RBKS: variants seen among roughly 807,000 people sequenced by gnomAD.
RBKS encodes the protein ribokinase.
A neutral mutation model predicts 33.9 loss-of-function variants in RBKS; 33 were observed. The observed-to-expected ratio is 0.97, with a 90% CI of 0.74 to 1.30. The LOEUF (loss-of-function observed/expected upper bound fraction) is 1.30, where lower values mean the gene tolerates loss of function less well. Ranked by LOEUF, RBKS falls within the 50% of genes most tolerant of loss-of-function variation. RBKS has a pLI of 0.00. For synonymous variants in RBKS, 125 were observed against 143.0 expected, an observed-to-expected ratio of 0.87 and a Z score of 0.90; for missense variants, 361 against 392.6, an observed-to-expected ratio of 0.92 and a Z score of 0.68.
intron 1 of RBKS, among the ~76,000 whole-genome samples, chr2:27,874,389 C>T (rs1216155346): frequency 6.6e-6 from 1 of 152,190 alleles, no homozygotes; most frequent in Non-Finnish European, 1.5e-5. Flanking sequence ...TAACATTGTA[C>T]AATCACTGTC....
chr2:27,885,942 A>G (rs1237933728), intron 1 of RBKS, among the ~76,000 whole-genome samples: 1 of 152,230 alleles, frequency 6.6e-6, no homozygotes, highest in Non-Finnish European at 1.5e-5. Flanking sequence ...ACAAAGGCCT[A>G]TGAGCCTAAC....
At chr2:27,809,782 A>G (rs1573042214) in intron 7 of RBKS, 3 of 423,600 alleles carry the variant, frequency 7.1e-6, no homozygotes, top group East Asian at 1.5e-4. Flanking sequence ...AATGCATGCT[A>G]AATAATACAG....
chr2:27,865,571 C>CTTTTTTTT (rs5830052), intron 1 of RBKS, among the ~76,000 whole-genome samples: 1 of 63,942 alleles, frequency 1.6e-5, no homozygotes, highest in Non-Finnish European at 3.3e-5. Flanking sequence ...TCTCCTCCTC[C>CTTTTTTTT]TTTTTTTTTT....
chr2:27,853,179 A>T (rs941035839), intron 2 of RBKS, among the ~76,000 whole-genome samples: 1 of 151,978 alleles, frequency 6.6e-6, no homozygotes, highest in Non-Finnish European at 1.5e-5. Flanking sequence ...CAGCCTCAGC[A>T]ACACAGCAAG....
At chr2:27,856,660 A>G (rs1440142464) in intron 2 of RBKS, among the ~76,000 whole-genome samples, 8 of 152,154 alleles carry the variant, frequency 5.3e-5, no homozygotes, top group Non-Finnish European at 2.9e-5. Flanking sequence ...GGGTTCTCTA[A>G]TCTCTCCTTT....
At chr2:27,796,586 G>A (rs1677670485) in intron 7 of RBKS, among the ~76,000 whole-genome samples, 1 of 152,146 alleles carries the variant, frequency 6.6e-6, no homozygotes, top group Admixed American at 6.5e-5. Context: ...TGAGGAAGCT[G>A]GGGAATCAGG....
At chr2:27,880,472 G>T (rs1201144910) in intron 1 of RBKS, among the ~76,000 whole-genome samples, 1 of 152,112 alleles carries the variant, frequency 6.6e-6, no homozygotes, top group Non-Finnish European at 1.5e-5. Flanking sequence ...AGGAAGAGAG[G>T]AAGTCAAACT....
chr2:27,798,816 T>C (rs1439583694), intron 7 of RBKS, among the ~76,000 whole-genome samples: 2 of 152,238 alleles, frequency 1.3e-5, no homozygotes, highest in African/African-American at 2.4e-5. Flanking sequence ...GCTTGGACTT[T>C]TCCCTAGACT....
At chr2:27,870,177 T>A (rs1664174703) in intron 1 of RBKS, 1 of 152,478 alleles carries the variant, frequency 6.6e-6, no homozygotes, top group Admixed American at 6.5e-5. Context: ...CCTGGTTCAG[T>A]CTCTTTCAAA....
At chr2:27,882,621 T>C (rs1664441123) in intron 1 of RBKS, among the ~76,000 whole-genome samples, 1 of 152,176 alleles carries the variant, frequency 6.6e-6, no homozygotes, top group Admixed American at 6.5e-5. Context: ...CAAAGACACA[T>C]GCATGTGTAT....
chr2:27,872,335 A>C (rs929066159), intron 1 of RBKS, among the ~76,000 whole-genome samples: 2 of 152,216 alleles, frequency 1.3e-5, no homozygotes, highest in African/African-American at 2.4e-5. Context: ...AAAAGAAAAA[A>C]GTAGTGCAGT....
Position 27,788,187 on chromosome 2 carries a change from C to G in RBKS, c.796-6399G>C, listed in dbSNP as rs1428864070. Among the ~76,000 whole-genome samples the G allele has an allele frequency of 2.6e-5, 4 of 152,204 alleles. No homozygotes were observed. In the South Asian group the frequency reaches 6.2e-4, roughly 24 times the overall value. Reference sequence around the variant, plus strand: ...TAATATTGGGAACAATCAAAGATGTCTGTTCTCACTACTTCTACTCAACAT... The same window carrying G: ...TAATATTGGGAACAATCAAAGATGTGTGTTCTCACTACTTCTACTCAACAT... On this transcript the variant is annotated intron_variant, in intron 7 of 7. Transcript: ENST00000302188.
At chr2:27,796,380 T>G (rs1677666418) in intron 7 of RBKS, among the ~76,000 whole-genome samples, 1 of 152,198 alleles carries the variant, frequency 6.6e-6, no homozygotes, top group South Asian at 2.1e-4. Flanking sequence ...TACTGAAAAT[T>G]ATTTTTGTGC....
At chr2:27,820,511 C>A (rs1025986505) in intron 7 of RBKS, among the ~76,000 whole-genome samples, 2 of 151,758 alleles carry the variant, frequency 1.3e-5, no homozygotes, top group Non-Finnish European at 2.9e-5. Context: ...TGTATGTGAG[C>A]ATTTTTGTAG....
At chr2:27,786,176 A>C (rs1407974511) in intron 7 of RBKS, among the ~76,000 whole-genome samples, 1 of 152,242 alleles carries the variant, frequency 6.6e-6, no homozygotes, top group African/African-American at 2.4e-5. Context: ...AGAAAAATGA[A>C]GGATATGTAT....
At chr2:27,861,194 T>C (rs1266448865) in intron 1 of RBKS, among the ~76,000 whole-genome samples, 7 of 152,016 alleles carry the variant, frequency 4.6e-5, no homozygotes, top group Non-Finnish European at 1.0e-4. Context: ...TCTCGAACTT[T>C]TGGCCTTAAG....
intron 1 of RBKS, among the ~76,000 whole-genome samples, chr2:27,873,840 A>C (rs12466687): frequency 0.64 from 97,151 of 151,822 alleles, 33,185 homozygotes; most frequent in Middle Eastern, 0.8. Context: ...ACAAAAAAAA[A>C]ACAAAACACC....
intron 1 of RBKS, among the ~76,000 whole-genome samples, chr2:27,884,762 A>T (rs1365458750): frequency 6.6e-6 from 1 of 152,222 alleles, no homozygotes; most frequent in Non-Finnish European, 1.5e-5. Context: ...AAGATAACAC[A>T]GAGTTTTAGT....
chr2:27,849,559 CAAAAAAAAA>C (rs70953894), intron 2 of RBKS, among the ~76,000 whole-genome samples: 2 of 28,598 alleles, frequency 7.0e-5, no homozygotes, highest in East Asian at 1.4e-3. Context: ...GACTCTGTCT[CAAAAAAAAA>C]AAAAAAAAAA....
Sources: gnomAD v4.1 joint callset for allele counts (sites outside exome capture counted in the v4.1 genomes callset) on GRCh38, gnomAD v4.1.1 for gene constraint, MANE v1.5 for transcripts, NCBI Gene and HGNC (gene_info 2026-07-23, HGNC 2026-07-21) for gene names.